DOCK6: variants seen among roughly 807,000 people sequenced by gnomAD.
DOCK6 encodes the protein dedicator of cytokinesis protein 6.
In DOCK6, 167 loss-of-function variants were observed where a neutral mutation model predicts 230.3. The observed-to-expected ratio is 0.73, with a 90% CI of 0.64 to 0.82. The LOEUF is 0.82. Among genes scored for constraint, DOCK6 ranks in the 40% least tolerant of loss-of-function variants. The probability of loss-of-function intolerance (pLI) is 0.00; values close to 1 mark genes in which losing one functional copy is unlikely to be tolerated. For missense variants in DOCK6, 2,598 were observed against 2,825.8 expected (o/e 0.92, Z 1.83); for synonymous variants, 1,148 against 1,185.0 (o/e 0.97, Z 0.64).
chr19:11,253,611 G>C, intron 2 of DOCK6, 28 bp downstream of exon 2: 1 of 1,327,810 alleles, frequency 7.5e-7, no homozygotes. Flanking sequence ...AGGGCAGAGG[G>C]CTGGGGGCGG....
chr19:11,242,693 C>T (rs1333179185), intron 13 of DOCK6, among the ~76,000 whole-genome samples: 1 of 151,838 alleles, frequency 6.6e-6, no homozygotes, highest in Non-Finnish European at 1.5e-5. Flanking sequence ...CACCTGGCCC[C>T]CAGGCTGGTC....
At chr19:11,257,906 G>A (rs959926337) in intron 1 of DOCK6, among the ~76,000 whole-genome samples, 1 of 152,006 alleles carries the variant, frequency 6.6e-6, no homozygotes, top group African/African-American at 2.4e-5. Context: ...GACCAGCTTG[G>A]GCAACATAGC....
At chr19:11,215,262 A>C in intron 32 of DOCK6, 125 bp downstream of exon 32, 1 of 834,546 alleles carries the variant, frequency 1.2e-6, no homozygotes. Flanking sequence ...CTAATTTTTA[A>C]ATTTTTGGTA....
intron 28 of DOCK6, among the ~76,000 whole-genome samples, chr19:11,219,174 GTTTTTTTTT>G (rs778505119): frequency 2.6e-5 from 2 of 77,312 alleles, no homozygotes; most frequent in African/African-American, 1.5e-4. Context: ...ACTGCGCCCG[GTTTTTTTTT>G]TTTTTTTTTT....
At chr19:11,232,059 G>A (rs528003455) in intron 22 of DOCK6, 1 of 568,104 alleles carries the variant, frequency 1.8e-6, no homozygotes, top group East Asian at 7.5e-5. Context: ...CCCAAACAAA[G>A]GCAGGAGAGG....
chr19:11,203,999 C>T (rs994194007), intron 41 of DOCK6, 82 bp downstream of exon 41: 2 of 1,521,950 alleles, frequency 1.3e-6, no homozygotes, highest in Non-Finnish European at 1.8e-6. Context: ...TCCTCTGGTG[C>T]CCCCTGGTGT....
chr19:11,215,088 A>T (rs2116875), intron 32 of DOCK6, among the ~76,000 whole-genome samples: 8 of 151,272 alleles, frequency 5.3e-5, no homozygotes, highest in Admixed American at 4.6e-4. Flanking sequence ...GACTACAGGC[A>T]CCTGCCACCA....
Position 11,245,823 on chromosome 19 carries a change from C to A in DOCK6, c.862G>T (p.Glu288Ter). Residue 288 changes from glutamate (E) to a stop codon, truncating the protein, a stop_gained, in exon 8 of 48, where the codon GAG becomes TAG. Transcript: ENST00000294618. LOFTEE classifies it high-confidence loss of function. ...AAAGGGCCTCCTACCTTCTTTTTCT[C>A]CCGCACATCATACAGAGCCAAGATC... is the stretch of plus-strand genomic sequence containing the variant. ...FGILALYDVREKKKISENFYF... is the reference protein window; with the variant it reads ...FGILALYDVR 2 of 1,574,530 alleles carry A rather than the reference C, an allele frequency of 1.3e-6. No homozygotes were observed. Among genetic ancestry groups the A allele is most frequent in the Non-Finnish European group, 1.7e-6 (2 of 1,159,626 alleles).
At chr19:11,253,834 G>A (rs1599290732) in intron 1 of DOCK6, 108 bp from the exon 2 acceptor site, 6 of 766,220 alleles carry the variant, frequency 7.8e-6, no homozygotes, top group Non-Finnish European at 8.2e-6. Context: ...TAAATAGGCC[G>A]AGGGCCAAGA....
rs1204157668 is a variant in DOCK6 at position 11,252,539 on chromosome 19, G to A, written c.320C>T (p.Ala107Val). ...CATCTCCACCGCGGCCCTCACCTGG[G>A]CATCCAGTTTTCTGCAGCAAAAGAA... ...PGIPKDEKLD[A>V]QVRAAVEMYI... The change falls in exon 4 of 48, where the codon GCC becomes GTC. Residue 107 changes from alanine to valine, a missense_variant. Transcript: ENST00000294618. 6.2e-7 allele frequency: 1 copy of A among 1,613,762 alleles called. No homozygotes were observed. Among genetic ancestry groups the A allele is most frequent in the East Asian group, 2.2e-5 (1 of 44,900 alleles).
intron 32 of DOCK6, 95 bp downstream of exon 32, chr19:11,215,292 G>T: frequency 8.8e-7 from 1 of 1,132,594 alleles, no homozygotes; most frequent in Non-Finnish European, 1.3e-6. Flanking sequence ...TTACTATGTT[G>T]CCCAGGCTGG....
At chr19:11,241,136 C>T (rs1270241768) in intron 14 of DOCK6, among the ~76,000 whole-genome samples, 2 of 151,838 alleles carry the variant, frequency 1.3e-5, no homozygotes, top group Non-Finnish European at 2.9e-5. Context: ...GTCCCAGCTA[C>T]TCAGGAGGCT....
Position 11,243,594 on chromosome 19 carries a change from G to T in DOCK6, c.1221C>A (p.Ser407Arg). 1 of 1,609,702 alleles carries T rather than the reference G, an allele frequency of 6.2e-7. No homozygotes were observed. The change falls in exon 11 of 48, where the codon AGC (serine) becomes AGA (arginine). Residue 407 changes from serine to arginine, a missense_variant. Physicochemically the swap from Ser to Arg is moderately radical, Grantham distance 110 (BLOSUM62 -1). Transcript: ENST00000294618. The surrounding 1 kb of genome is among the most constrained non-coding windows in gnomAD (Gnocchi z 6.3). Reference sequence around the variant, plus strand: ...CAGAGTCCCGGTCCAGCTGCCCAGCGCTGCTCACGATGTTGGCCAAGTGCA... The same window carrying T: ...CAGAGTCCCGGTCCAGCTGCCCAGCTCTGCTCACGATGTTGGCCAAGTGCA... ...TAVHLANIVS[S>R]AGQLDRDSDS...
In DOCK6 at chr19:11,245,648, C is replaced by G; in HGVS notation, c.938G>C (p.Gly313Ala). Reference protein sequence around the residue: ...DSMKGLLRAHGTHPAISTLAR... With the variant: ...DSMKGLLRAHATHPAISTLAR... ...CAGGGTGGAGATGGCAGGGTGGGTG[C>G]CATGAGCCCGAAGCAGCCCCTTCAT... Residue 313 changes from glycine (G) to alanine (A), a missense_variant, in exon 9 of 48, where the codon GGC becomes GCC. Physicochemically the swap from Gly to Ala is moderately conservative, Grantham distance 60. Coordinates refer to ENST00000294618, the MANE Select transcript of DOCK6 (RefSeq NM_020812.4). 6.2e-7 allele frequency: 1 copy of G among 1,607,456 alleles called. No individual in the cohort carries two copies. Among genetic ancestry groups the G allele is most frequent in the Non-Finnish European group, 8.5e-7 (1 of 1,177,078 alleles).
chr19:11,222,232 C>G lies in DOCK6; in HGVS notation c.3257G>C (p.Ser1086Thr). The change falls in exon 27 of 48, where the codon AGC (serine) becomes ACC (threonine). Residue 1086 changes from serine (S) to threonine (T), a missense_variant. Physicochemically the swap from Ser to Thr is moderately conservative, Grantham distance 58 (BLOSUM62 1). Transcript: ENST00000294618. The surrounding 1 kb of genome is among the most constrained non-coding windows in gnomAD (Gnocchi z 4.0). The stretch of plus-strand genomic sequence containing the variant: ...GGTCACCTTGGGGTCCGGGGCTTGG[C>G]TGGAGAAGGTGGAGCTCTGCAGAGT... ...STTSQSSTFS[S>T]QAPDPKVTSM... The G allele has an allele frequency of 6.2e-7, 1 of 1,601,430 alleles. No homozygotes were observed. Among genetic ancestry groups the G allele is most frequent in the Non-Finnish European group, 8.5e-7 (1 of 1,174,282 alleles).
rs202230571 is a variant in DOCK6, at chr19:11,204,263, G to C, written c.5157C>G (p.Asp1719Glu). 3 of 1,602,536 alleles carry C rather than the reference G, an allele frequency of 1.9e-6. No homozygotes were observed. In the African/African-American group the frequency reaches 4.0e-5, roughly 21 times the overall value. The change falls in exon 40 of 48, where the codon GAC (aspartate) becomes GAG (glutamate). Residue 1719 changes from aspartate (D) to glutamate (E), a missense_variant. By Grantham distance (45) the Asp-to-Glu change is conservative (BLOSUM62 2). Transcript: ENST00000294618. Reference sequence around the variant, plus strand: ...CGTGCACCGCGGCCAGCTTCTTGTAGTCACGGTGGGCTTCCAGGATGGGGA... The same window carrying C: ...CGTGCACCGCGGCCAGCTTCTTGTACTCACGGTGGGCTTCCAGGATGGGGA... ...NLIPILEAHR[D>E]YKKLAAVHGK...
At chr19:11,220,784 T>C (rs531879400) in intron 28 of DOCK6, among the ~76,000 whole-genome samples, 93 of 151,532 alleles carry the variant, frequency 6.1e-4, no homozygotes, top group African/African-American at 2.2e-3. Flanking sequence ...AAAAATCACA[T>C]GGATATTTTA....
intron 34 of DOCK6, 109 bp downstream of exon 34, chr19:11,214,165 TC>T: frequency 1.4e-6 from 2 of 1,422,616 alleles, no homozygotes; most frequent in African/African-American, 2.9e-5. Flanking sequence ...CCTCAAGCGA[TC>T]CTCCCACCTC....
rs1357756494 is a variant in DOCK6, at chr19:11,238,308, T to TG, written c.1644-5dup. Reference sequence around the variant, plus strand: ...CGGGTACACGTACAGCAGGTTCCTGTGGGGGGCAGGATGGGGGTGTCAGAG... The same window carrying TG: ...CGGGTACACGTACAGCAGGTTCCTGTGGGGGGGCAGGATGGGGGTGTCAGAG... On this transcript the variant is annotated splice_region_variant and splice_polypyrimidine_tract_variant and intron_variant, in intron 14 of 47. Transcript: ENST00000294618. 1.9e-6 allele frequency: 3 copies of TG among 1,595,272 alleles called. No individual in the cohort carries two copies. Among genetic ancestry groups the TG allele is most frequent in the South Asian group, 2.2e-5 (2 of 89,942 alleles).
Sources: gnomAD v4.1 joint callset for allele counts (sites outside exome capture counted in the v4.1 genomes callset) on GRCh38, gnomAD v4.1.1 for gene constraint, Gnocchi (gnomAD v3.1) non-coding constraint, MANE v1.5 for transcripts, NCBI Gene and HGNC (gene_info 2026-07-23, HGNC 2026-07-21) for gene names.